The following CELF2 variants were observed in gnomAD, a reference collection of about 807,000 sequenced individuals.
The protein encoded by CELF2 is CUGBP Elav-like family member 2, also known as CUG triplet repeat RNA-binding protein 2.
CELF2 carries 8 observed loss-of-function variants against 62.6 expected under a neutral mutation model. The observed-to-expected ratio is 0.13, with a 90% CI of 0.07 to 0.23. The LOEUF (loss-of-function observed/expected upper bound fraction) is 0.23. Among genes scored for constraint, CELF2 ranks in the 10% least tolerant of loss-of-function variants. The pLI is 1.00. For missense variants in CELF2, 333 were observed against 671.0 expected (o/e 0.50, Z 5.56); for synonymous variants, 258 against 250.0 (o/e 1.03, Z -0.30).
At chr10:10,604,194 A>G in the CELF2 span, among the ~76,000 whole-genome samples, 1 of 152,232 alleles carries the variant, frequency 6.6e-6, no homozygotes, top group Non-Finnish European at 1.5e-5. Context: ...TGGGCTACAG[A>G]GTGAAACTGT....
chr10:11,280,982 C>CTGTGTGTGTGTGTGTG lies in CELF2; in HGVS notation c.841+5868_841+5869insTGTGTGTGTGTGTGTG, dbSNP rs541295992. Reference sequence around the variant, plus strand: ...CTGATGCTGGCGTGCGTGTGCATGCCTGTGTGCGTGTGTGTGTGTGTGTGT... The same window carrying CTGTGTGTGTGTGTGTG: ...CTGATGCTGGCGTGCGTGTGCATGCCTGTGTGTGTGTGTGTGTGTGTGCGTGTGTGTGTGTGTGTGT... On this transcript the variant is annotated intron_variant, in intron 8 of 12. Coordinates refer to ENST00000633077, the MANE Select transcript of CELF2 (RefSeq NM_001326342.2). This position sits in a 1 kb window ranked among gnomAD's most constrained non-coding sequence, Gnocchi z 7.6. 1.7e-5 allele frequency among the ~76,000 whole-genome samples: 2 copies of CTGTGTGTGTGTGTGTG among 119,776 alleles called. No individual in the cohort carries two copies. The highest frequency in any genetic ancestry group is 1.7e-5 in the Non-Finnish European group (1 of 59,322). The allele number at this position is 119,776 out of a possible 152,430, so 78.6% of individuals were successfully genotyped here.
intron 1 of CELF2, among the ~76,000 whole-genome samples, chr10:11,149,223 G>A (rs538470690): frequency 7.9e-5 from 12 of 152,048 alleles, no homozygotes; most frequent in African/African-American, 1.2e-4. Context: ...GGTGTGTGCC[G>A]CCACACCCAG....
rs949363583 is a variant in CELF2, at chr10:11,306,672, C to T, written c.977-7467C>T. ...AAGTATTGTCTGATGATGTAGAGTG[C>T]ACAGGGAGTCTTTCCACTTTAAGGC... On this transcript the variant is annotated intron_variant, in intron 9 of 12. Coordinates refer to ENST00000633077, the MANE Select transcript of CELF2 (RefSeq NM_001326342.2). This position sits in a 1 kb window ranked among gnomAD's most constrained non-coding sequence, Gnocchi z 4.4. Among the ~76,000 whole-genome samples, 1 of 152,136 alleles carries T rather than the reference C, an allele frequency of 6.6e-6. No individual in the cohort carries two copies. The highest frequency in any genetic ancestry group is 1.5e-5 in the Non-Finnish European group (1 of 68,032).
At chr10:11,259,653 C>G (rs905176576) in intron 5 of CELF2, among the ~76,000 whole-genome samples, 1 of 152,184 alleles carries the variant, frequency 6.6e-6, no homozygotes, top group African/African-American at 2.4e-5. Flanking sequence ...ATCGCTGTGG[C>G]AGACTGCACC....
intron 1 of CELF2, among the ~76,000 whole-genome samples, chr10:11,141,387 G>C (rs1039414139): frequency 1.3e-5 from 2 of 152,232 alleles, no homozygotes; most frequent in African/African-American, 4.8e-5. Context: ...GCAGAGACTC[G>C]GAGGGGTAGG....
chr10:10,579,646 T>C, the CELF2 span, among the ~76,000 whole-genome samples: 1 of 152,094 alleles, frequency 6.6e-6, no homozygotes, highest in Non-Finnish European at 1.5e-5. Context: ...GACAGTCCCA[T>C]AATAGAGGCA....
At chr10:11,212,251 C>T (rs924469763) in intron 2 of CELF2, among the ~76,000 whole-genome samples, 2 of 152,124 alleles carry the variant, frequency 1.3e-5, no homozygotes, top group Non-Finnish European at 2.9e-5. Context: ...AAATGGGGAA[C>T]CAGGGCTTTC....
At chr10:11,320,535 G>A (rs1000856757) in intron 10 of CELF2, among the ~76,000 whole-genome samples, 1 of 152,184 alleles carries the variant, frequency 6.6e-6, no homozygotes, top group Non-Finnish European at 1.5e-5. Context: ...TGGCTTCTGT[G>A]CCTCAATTCT....
rs78589023 is a variant in CELF2 at position 11,236,169 on chromosome 10, C to G, written c.355-12984C>G. Among the ~76,000 whole-genome samples the G allele has an allele frequency of 6.9e-3, 1,049 of 152,314 alleles. 16 individuals are homozygous for G. Among genetic ancestry groups the G allele is most frequent in the African/African-American group, 0.024 (980 of 41,560 alleles). On this transcript the variant is annotated intron_variant, in intron 3 of 12. Coordinates refer to ENST00000633077, the MANE Select transcript of CELF2 (RefSeq NM_001326342.2). Reference sequence around the variant, plus strand: ...AAGCTATGGGAGGATCATTAGAATACGAAATTCAGTAGTGCTTTTCCATTG... The same window carrying G: ...AAGCTATGGGAGGATCATTAGAATAGGAAATTCAGTAGTGCTTTTCCATTG...
chr10:10,536,002 G>A, the CELF2 span, among the ~76,000 whole-genome samples: 4 of 147,792 alleles, frequency 2.7e-5, no homozygotes, highest in Non-Finnish European at 5.9e-5. Flanking sequence ...TAGGGGTGGG[G>A]GCTTCAAGAA....
At chr10:10,965,958 T>G (rs908043480) in intron 2 of CELF2, among the ~76,000 whole-genome samples, 2 of 152,212 alleles carry the variant, frequency 1.3e-5, no homozygotes, top group Non-Finnish European at 2.9e-5. Flanking sequence ...AGAATGACTG[T>G]GACAAGCAAT....
At chr10:10,989,412 C>A (rs1458310463) in intron 2 of CELF2, among the ~76,000 whole-genome samples, 3 of 152,054 alleles carry the variant, frequency 2.0e-5, no homozygotes, top group African/African-American at 7.2e-5. Context: ...AGCATGAAAT[C>A]TGATATGTAA....
chr10:10,540,243 A>G, the CELF2 span, among the ~76,000 whole-genome samples: 1 of 152,218 alleles, frequency 6.6e-6, no homozygotes, highest in Non-Finnish European at 1.5e-5. Context: ...AGCACGCAGC[A>G]TCAGCCATCC....
chr10:10,903,955 G>A (rs574013410), intron 1 of CELF2, among the ~76,000 whole-genome samples: 90 of 152,272 alleles, frequency 5.9e-4, no homozygotes, highest in South Asian at 2.1e-3. Context: ...GGTGTGATGA[G>A]TTAAGGGCAT....
rs188056356 is a variant in CELF2, at chr10:11,220,462, C to G, written c.354+2955C>G. ...GCCATAAGATTTTGATTTAAAGGCA[C>G]CCTCCTTTACATGTCAGGAATGAAT... is the stretch of plus-strand genomic sequence containing the variant. On this transcript the variant is annotated intron_variant, in intron 3 of 12. Coordinates refer to ENST00000633077, the MANE Select transcript of CELF2 (RefSeq NM_001326342.2). The surrounding 1 kb of genome is among the most constrained non-coding windows in gnomAD (Gnocchi z 4.4). 5.1e-4 allele frequency among the ~76,000 whole-genome samples: 78 copies of G among 152,268 alleles called. No homozygotes were observed. The highest frequency in any genetic ancestry group is 3.8e-3 in the Admixed American group (58 of 15,294).
intron 12 of CELF2, among the ~76,000 whole-genome samples, chr10:11,327,529 G>A (rs1310227904): frequency 1.3e-5 from 2 of 152,114 alleles, no homozygotes; most frequent in Non-Finnish European, 2.9e-5. Context: ...TCTTAGGGCT[G>A]CCAGTCATAA....
chr10:11,314,004 C>T lies in CELF2; in HGVS notation c.977-135C>T. 1 of 893,382 alleles carries T rather than the reference C, an allele frequency of 1.1e-6. No individual in the cohort carries two copies. Among genetic ancestry groups the T allele is most frequent in the Non-Finnish European group, 1.7e-6 (1 of 572,990 alleles). The allele number at this position is 893,382 out of a possible 1,614,324, so 55.3% of individuals were successfully genotyped here. A position where few individuals can be genotyped will look rare whatever the true frequency, so the allele number is the denominator to read the frequency against. On this transcript the variant is annotated intron_variant, in intron 9 of 12. Transcript: ENST00000633077. The surrounding 1 kb of genome is among the most constrained non-coding windows in gnomAD (Gnocchi z 5.3). Reference sequence around the variant, plus strand: ...GTCAAAATTGCCACAAGTACAATCCCACATGTCCTTCACCCAAAGCCACAA... The same window carrying T: ...GTCAAAATTGCCACAAGTACAATCCTACATGTCCTTCACCCAAAGCCACAA...
the CELF2 span, among the ~76,000 whole-genome samples, chr10:10,500,656 C>A: frequency 0.064 from 9,704 of 152,178 alleles, 520 homozygotes; most frequent in African/African-American, 0.14. Context: ...GTATGTCTTT[C>A]TCAGCAGCAT....
At chr10:10,948,458 C>A (rs6602471) in intron 2 of CELF2, 48,603 of 152,048 alleles carry the variant, frequency 0.32, 8,668 homozygotes, top group East Asian at 0.77. Context: ...AAAGCCACAC[C>A]CTCTCTTGTG....
Sources: allele counts gnomAD v4.1 joint callset (sites outside exome capture counted in the v4.1 genomes callset), GRCh38; gene constraint gnomAD v4.1.1; non-coding constraint Gnocchi (gnomAD v3.1); transcripts MANE v1.5; gene names NCBI Gene and HGNC (gene_info 2026-07-23, HGNC 2026-07-21).